Variants in POP1 observed in about 807,000 individuals in gnomAD.
POP1 encodes ribonucleases P/MRP protein subunit POP1.
A neutral mutation model predicts 102.2 loss-of-function variants in POP1; 75 were observed. The observed-to-expected ratio is 0.73, with a 90% confidence interval of 0.61 to 0.89. POP1 has a LOEUF of 0.89. POP1 is among the 40% of genes least tolerant of loss of function. POP1 has a pLI of 0.00. For missense variants in POP1, 1,116 were observed against 1,267.4 expected (o/e 0.88, Z 1.81); for synonymous variants, 436 against 464.1 (o/e 0.94, Z 0.78).
intron 11 of POP1, among the ~76,000 whole-genome samples, chr8:98,145,206 A>G (rs1430463273): frequency 6.6e-6 from 1 of 152,170 alleles, no homozygotes; most frequent in Non-Finnish European, 1.5e-5. Context: ...GCTTTTAAAC[A>G]GTTTTAATCT....
At position 98,159,253 on chromosome 8, in the gene POP1, T is replaced by G. The variant is rs2130641686; in HGVS notation, c.*982T>G. The stretch of plus-strand genomic sequence containing the variant: ...GGAGCCCTTTGTAGGACCAGTGTTC[T>G]TAGTAGCGCGCTTTGGGCAGTGTGG... On this transcript the variant is annotated 3_prime_UTR_variant, in exon 16 of 16. Transcript: ENST00000401707. 6.6e-6 allele frequency: 1 copy of G among 152,332 alleles called. No individual in the cohort carries two copies. The highest frequency in any genetic ancestry group is 2.4e-5 in the African/African-American group (1 of 41,574). 9.4% of individuals were successfully genotyped at this position (152,332 alleles called of 1,614,324 possible). A position where few individuals can be genotyped will look rare whatever the true frequency, so the allele number is the denominator to read the frequency against.
chr8:98,128,640 T>G, intron 4 of POP1, 100 bp downstream of exon 4: 2 of 1,331,014 alleles, frequency 1.5e-6, no homozygotes, highest in Non-Finnish European at 2.1e-6. Flanking sequence ...AAACCAAGGC[T>G]GGGCATGGTG....
At chr8:98,140,254 G>C in intron 10 of POP1, 65 bp downstream of exon 10, 1 of 1,307,908 alleles carries the variant, frequency 7.6e-7, no homozygotes, top group Non-Finnish European at 1.1e-6. Flanking sequence ...TTTTGCAGTT[G>C]GGCCTCCAAC....
chr8:98,143,673 G>C (rs1375470524), intron 11 of POP1, among the ~76,000 whole-genome samples: 3 of 152,066 alleles, frequency 2.0e-5, no homozygotes, highest in Admixed American at 1.3e-4. Flanking sequence ...ATACAGAATA[G>C]ATTCACTGCC....
intron 1 of POP1, among the ~76,000 whole-genome samples, chr8:98,121,512 GT>G (rs34259075): frequency 0.018 from 2,184 of 119,668 alleles, 17 homozygotes; most frequent in African/African-American, 0.043. Flanking sequence ...GGTTACACGG[GT>G]TTTTTTTTTT....
chr8:98,135,466 T>C (rs1443569305), intron 7 of POP1, among the ~76,000 whole-genome samples: 3 of 152,194 alleles, frequency 2.0e-5, no homozygotes. Flanking sequence ...GTAATTCTAA[T>C]GATTTTTCAC....
At chr8:98,146,821 T>C in intron 12 of POP1, 138 bp downstream of exon 12, 4 of 677,826 alleles carry the variant, frequency 5.9e-6, no homozygotes, top group Non-Finnish European at 8.0e-6. Context: ...TGTTGATCCC[T>C]AACTCATGAT....
rs1305405540 is a variant in POP1 at position 98,155,384 on chromosome 8, G to A, written c.2058-666G>A. ...CAACCTCTGCCTCCTGGGTTCAAGC[G>A]ATTCTTCTGCCTCAGCCTCCCTAGT... On this transcript the variant is annotated intron_variant, in intron 14 of 15. Coordinates refer to ENST00000401707, the MANE Select transcript of POP1 (RefSeq NM_001145860.2). Among the ~76,000 whole-genome samples, 4 of 152,142 alleles carry A rather than the reference G, an allele frequency of 2.6e-5. No individual in the cohort carries two copies. The East Asian group carries it at 5.8e-4, about 22-fold the overall frequency.
chr8:98,140,220 G>A (rs761453292), intron 10 of POP1, 31 bp downstream of exon 10: 9 of 1,590,854 alleles, frequency 5.7e-6, no homozygotes, highest in Non-Finnish European at 7.8e-6. Context: ...GTTGTGTTGG[G>A]GAGGGAAGGG....
intron 11 of POP1, among the ~76,000 whole-genome samples, chr8:98,144,552 G>T (rs1186131677): frequency 1.3e-5 from 2 of 152,318 alleles, no homozygotes; most frequent in Middle Eastern, 3.4e-3. Flanking sequence ...TAGGATTACA[G>T]GCGTGAGCCA....
chr8:98,146,257 C>T (rs761016139), intron 11 of POP1, among the ~76,000 whole-genome samples: 132 of 152,278 alleles, frequency 8.7e-4, no homozygotes, highest in Non-Finnish European at 9.1e-4. Context: ...TTGCCTTTGC[C>T]GTGGCTCCTA....
At position 98,148,877 on chromosome 8, in the gene POP1, T is replaced by G; in HGVS notation, c.1773T>G (p.His591Gln). 1 of 1,613,976 alleles carries G rather than the reference T, an allele frequency of 6.2e-7. No homozygotes were observed. Among genetic ancestry groups the G allele is most frequent in the Non-Finnish European group, 8.5e-7 (1 of 1,179,916 alleles). ...VPGSQLILGP[H>Q]ESKIPILLIQ... Reference sequence around the variant, plus strand: ...GGTCACAGCTTATTTTAGGTCCCCATGAATCCAAGATACCTATACTTTTGA... The same window carrying G: ...GGTCACAGCTTATTTTAGGTCCCCAGGAATCCAAGATACCTATACTTTTGA... The change falls in exon 13 of 16, where the codon CAT becomes CAG. Residue 591 changes from histidine (H) to glutamine (Q), a missense_variant. Physicochemically the swap from His to Gln is conservative, Grantham distance 24. Coordinates refer to ENST00000401707, the MANE Select transcript of POP1 (RefSeq NM_001145860.2).
At chr8:98,148,164 C>T (rs1178072764) in intron 12 of POP1, among the ~76,000 whole-genome samples, 2 of 152,064 alleles carry the variant, frequency 1.3e-5, no homozygotes, top group African/African-American at 4.8e-5. Flanking sequence ...GTGGAAACTC[C>T]GAAAGTGAAA....
intron 9 of POP1, 98 bp from the exon 10 acceptor site, chr8:98,139,980 A>G (rs1310105769): frequency 3.3e-6 from 3 of 918,156 alleles, no homozygotes; most frequent in South Asian, 2.8e-5. Context: ...ATTTCCACAC[A>G]TAGAAGAAGA....
At chr8:98,152,972 ATTC>A (rs72317709) in intron 14 of POP1, among the ~76,000 whole-genome samples, 27,361 of 151,336 alleles carry the variant, frequency 0.18, 2,639 homozygotes, top group African/African-American at 0.26. Context: ...TGGAGCTTAT[ATTC>A]TTCTTTTATT....
Position 98,140,815 on chromosome 8 carries a change from G to A in POP1, c.1521G>A (p.Leu507=). Residue 507 remains leucine (L), a synonymous_variant, in exon 11 of 16, where the codon CTG becomes CTA. Transcript: ENST00000401707. ...TTCCGGCAGGTACTATTCTGGGACT[G>A]ACAGTTGGGGATCCTCGAATAAATT... ...AEIPAGTILG[L]TVGDPRINLP... The A allele has an allele frequency of 6.2e-7, 1 of 1,613,878 alleles. No individual in the cohort carries two copies. The highest frequency in any genetic ancestry group is 8.5e-7 in the Non-Finnish European group (1 of 1,179,758).
rs58776017 is a variant in POP1 at position 98,134,326 on chromosome 8, G to A, written c.824-146G>A. On this transcript the variant is annotated intron_variant, in intron 6 of 15. Transcript: ENST00000401707. ...AACACATATTTGTTGAGAACTTATT[G>A]TGTGCCAGGCTTTGATCTGAGCAAT... 1,498 of 816,386 alleles carry A rather than the reference G, an allele frequency of 1.8e-3. 15 individuals are homozygous for A. The African/African-American group carries it at 0.023, about 12-fold the overall frequency. 50.6% of individuals were successfully genotyped at this position (816,386 alleles called of 1,614,324 possible).
chr8:98,140,918 C>G, intron 11 of POP1, 30 bp downstream of exon 11: 1 of 1,611,384 alleles, frequency 6.2e-7, no homozygotes, highest in Admixed American at 1.7e-5. Context: ...CCAGGTTTTC[C>G]TTACTATTTC....
At chr8:98,133,283 T>C (rs576940042) in intron 5 of POP1, among the ~76,000 whole-genome samples, 2 of 152,274 alleles carry the variant, frequency 1.3e-5, no homozygotes, top group East Asian at 3.9e-4. Context: ...CTATTGAAAC[T>C]TTTAACATTG....
Sources: gnomAD v4.1 joint callset for allele counts (sites outside exome capture counted in the v4.1 genomes callset) on GRCh38, gnomAD v4.1.1 for gene constraint, MANE v1.5 for transcripts, NCBI Gene and HGNC (gene_info 2026-07-23, HGNC 2026-07-21) for gene names.